EFCAB6: variants seen among roughly 807,000 people sequenced by gnomAD.
EFCAB6 encodes the protein EF-hand calcium-binding domain-containing protein 6.
Under a neutral mutation model 169.8 loss-of-function variants are expected in EFCAB6, and 156 were observed. The observed-to-expected ratio is 0.92, with a 90% CI of 0.81 to 1.05. The LOEUF is 1.05. Among genes scored for constraint, EFCAB6 ranks in the 50% least tolerant of loss-of-function variants. The pLI, the probability that EFCAB6 is intolerant of heterozygous loss-of-function variation, is 0.00. For missense variants in EFCAB6, 1,800 were observed against 1,829.1 expected (o/e 0.98, Z 0.29); for synonymous variants, 698 against 676.4 (o/e 1.03, Z -0.50).
intron 23 of EFCAB6, 39 bp from the exon 24 acceptor site, chr22:43,590,268 G>A: frequency 6.3e-7 from 1 of 1,590,956 alleles, no homozygotes; most frequent in Non-Finnish European, 8.6e-7. Context: ...CTAAAATCAG[G>A]AAAACAAATA....
intron 13 of EFCAB6, among the ~76,000 whole-genome samples, chr22:43,675,333 A>ACT (rs1463504986): frequency 4.1e-5 from 2 of 48,676 alleles, no homozygotes; most frequent in Non-Finnish European, 8.2e-5. Flanking sequence ...TATAATATAT[A>ACT]ATATAATATA....
intron 17 of EFCAB6, among the ~76,000 whole-genome samples, chr22:43,647,748 A>C (rs1316317265): frequency 6.6e-6 from 1 of 152,250 alleles, no homozygotes; most frequent in Non-Finnish European, 1.5e-5. Context: ...ATGTGAAGAC[A>C]TGCAGACAAA....
intron 10 of EFCAB6, among the ~76,000 whole-genome samples, chr22:43,701,730 A>G (rs1472127332): frequency 6.6e-6 from 1 of 150,974 alleles, no homozygotes. Flanking sequence ...TAAACAATAA[A>G]AAAAAAAAAA....
chr22:43,582,632 G>T (rs1468722391), intron 24 of EFCAB6, among the ~76,000 whole-genome samples: 1 of 152,130 alleles, frequency 6.6e-6, no homozygotes, highest in African/African-American at 2.4e-5. Flanking sequence ...TAGGAGACAG[G>T]GGATCCAACC....
rs544576868 is a variant in EFCAB6, at chr22:43,589,066, T to C, written c.3032+1008A>G. Among the ~76,000 whole-genome samples, 12 of 151,976 alleles carry C rather than the reference T, an allele frequency of 7.9e-5. No homozygotes were observed. The South Asian group carries it at 1.0e-3, about 13-fold the overall frequency. On this transcript the variant is annotated intron_variant, in intron 24 of 31. Transcript: ENST00000262726. Reference sequence around the variant, plus strand: ...CCACATTTTCTTGGTAGTAAGTCAATAGAAACTGCCTAAAAGTGAAAAATC... The same window carrying C: ...CCACATTTTCTTGGTAGTAAGTCAACAGAAACTGCCTAAAAGTGAAAAATC...
chr22:43,595,732 T>C (rs1400074388), intron 23 of EFCAB6, among the ~76,000 whole-genome samples: 1 of 152,180 alleles, frequency 6.6e-6, no homozygotes, highest in African/African-American at 2.4e-5. Flanking sequence ...TAGGGAATAC[T>C]TGCAAACTTA....
chr22:43,593,982 T>C lies in EFCAB6; in HGVS notation c.2877-3753A>G, dbSNP rs542155740. Among the ~76,000 whole-genome samples the C allele has an allele frequency of 1.1e-4, 16 of 152,172 alleles. No individual in the cohort carries two copies. The South Asian group carries it at 3.3e-3, about 32-fold the overall frequency. On this transcript the variant is annotated intron_variant, in intron 23 of 31. Coordinates refer to ENST00000262726, the MANE Select transcript of EFCAB6 (RefSeq NM_022785.4). ...TTTTCTCTGTTATAAATGTTAAAAA[T>C]ATGACATGAGTGGCCAGGTGCAGTG...
At chr22:43,709,251 T>G (rs1459452867) in intron 10 of EFCAB6, among the ~76,000 whole-genome samples, 3 of 152,086 alleles carry the variant, frequency 2.0e-5, no homozygotes, top group Non-Finnish European at 4.4e-5. Context: ...CCGGCTAATT[T>G]TTGCACTTTT....
chr22:43,771,260 G>A (rs1329048350), intron 4 of EFCAB6, among the ~76,000 whole-genome samples: 8 of 151,830 alleles, frequency 5.3e-5, no homozygotes, highest in Admixed American at 1.3e-4. Flanking sequence ...CAGAAACCCC[G>A]TCTCTACTAA....
chr22:43,680,370 T>C (rs1304338781), intron 12 of EFCAB6, among the ~76,000 whole-genome samples: 1 of 152,192 alleles, frequency 6.6e-6, no homozygotes, highest in Non-Finnish European at 1.5e-5. Context: ...ATTCAAATTC[T>C]GGAAGTGTAA....
intron 17 of EFCAB6, among the ~76,000 whole-genome samples, chr22:43,638,489 G>A (rs2055579881): frequency 6.6e-6 from 1 of 152,146 alleles, no homozygotes; most frequent in South Asian, 2.1e-4. Context: ...CAACATTTCA[G>A]GGAACCGTTG....
At chr22:43,670,043 G>C (rs1332215907) in intron 15 of EFCAB6, among the ~76,000 whole-genome samples, 1 of 152,164 alleles carries the variant, frequency 6.6e-6, no homozygotes. Flanking sequence ...TGAGGGACTA[G>C]GGGTAGGTTT....
At position 43,530,918 on chromosome 22, in the gene EFCAB6, C is replaced by A. The variant is rs141167337; in HGVS notation, c.4280G>T (p.Arg1427Leu). 1 of 1,614,196 alleles carries A rather than the reference C, an allele frequency of 6.2e-7. No homozygotes were observed. The highest frequency in any genetic ancestry group is 8.5e-7 in the Non-Finnish European group (1 of 1,180,040). Residue 1427 changes from arginine to leucine, a missense_variant, in exon 31 of 32, where the codon CGT becomes CTT. Physicochemically the swap from Arg to Leu is moderately radical, Grantham distance 102. Coordinates refer to ENST00000262726, the MANE Select transcript of EFCAB6 (RefSeq NM_022785.4). Reference protein sequence around the residue: ...ETPSFYSALLRIQPKIVHCWR... With the variant: ...ETPSFYSALLLIQPKIVHCWR... ...GCAGTGCACAATTTTGGGCTGAATA[C>A]GCAGCAGAGCAGAGTAAAAAGATGG...
chr22:43,601,469 C>T (rs1464869853), intron 22 of EFCAB6, among the ~76,000 whole-genome samples: 1 of 152,166 alleles, frequency 6.6e-6, no homozygotes, highest in Admixed American at 6.5e-5. Context: ...ACAATGTTGC[C>T]AGCATAATTC....
chr22:43,581,360 C>A (rs2050712614), intron 24 of EFCAB6, among the ~76,000 whole-genome samples: 1 of 152,138 alleles, frequency 6.6e-6, no homozygotes, highest in Non-Finnish European at 1.5e-5. Context: ...ACCTATCTAG[C>A]TGAGGATTTT....
At chr22:43,531,699 G>A (rs905775082) in intron 30 of EFCAB6, among the ~76,000 whole-genome samples, 1 of 152,046 alleles carries the variant, frequency 6.6e-6, no homozygotes, top group Non-Finnish European at 1.5e-5. Context: ...CATTTGGCAC[G>A]TATGATGTGT....
At chr22:43,635,336 CCCCA>C in intron 17 of EFCAB6, 120 bp from the exon 18 acceptor site, 1 of 742,688 alleles carries the variant, frequency 1.3e-6, no homozygotes, top group Non-Finnish European at 2.3e-6. Context: ...ATTTGTCTGA[CCCCA>C]CCCACAGGCT....
At chr22:43,675,995 A>G (rs2057739654) in intron 13 of EFCAB6, among the ~76,000 whole-genome samples, 1 of 152,048 alleles carries the variant, frequency 6.6e-6, no homozygotes, top group Admixed American at 6.5e-5. Flanking sequence ...AGTGACAAGG[A>G]CATGCGCAGA....
intron 8 of EFCAB6, among the ~76,000 whole-genome samples, chr22:43,730,117 G>A: frequency 6.7e-6 from 1 of 148,282 alleles, no homozygotes; most frequent in African/African-American, 2.5e-5. Flanking sequence ...AGGAGGTTGA[G>A]GCTGCAGTGA....
Sources: gnomAD v4.1 joint callset for allele counts (sites outside exome capture counted in the v4.1 genomes callset) on GRCh38, gnomAD v4.1.1 for gene constraint, MANE v1.5 for transcripts, NCBI Gene and HGNC (gene_info 2026-07-23, HGNC 2026-07-21) for gene names.